Variants in SEMA6D observed in about 807,000 individuals in gnomAD.
SEMA6D encodes semaphorin 6D.
A neutral mutation model predicts 106.6 loss-of-function variants in SEMA6D; 35 were observed. The ratio of observed to expected loss-of-function variants is 0.33; its 90% CI spans 0.25 to 0.44. The LOEUF (loss-of-function observed/expected upper bound fraction) is 0.44, where lower values mean the gene tolerates loss of function less well. Ranked by LOEUF, SEMA6D falls within the 20% of genes least tolerant of loss-of-function variation. SEMA6D has a pLI of 1.00. For synonymous variants in SEMA6D, 499 were observed against 487.7 expected (o/e 1.02, Z -0.31); for missense variants, 1,185 against 1,345.9 (o/e 0.88, Z 1.87).
chr15:47,464,964 T>G (rs2042615816), intron 2 of SEMA6D, among the ~76,000 whole-genome samples: 1 of 152,132 alleles, frequency 6.6e-6, no homozygotes, highest in Non-Finnish European at 1.5e-5. Flanking sequence ...AAGTTTGCCA[T>G]ATATGTATGA....
intron 1 of SEMA6D, among the ~76,000 whole-genome samples, chr15:47,374,249 C>T (rs2145468567): frequency 6.6e-6 from 1 of 152,192 alleles, no homozygotes; most frequent in East Asian, 1.9e-4. Context: ...GATGAGAATC[C>T]ACAAATTGGC....
intron 3 of SEMA6D, among the ~76,000 whole-genome samples, chr15:47,547,688 G>C (rs957485826): frequency 6.6e-5 from 10 of 152,070 alleles, no homozygotes; most frequent in Non-Finnish European, 1.3e-4. Flanking sequence ...ATCTTAGTTT[G>C]AAGCTCAAAA....
At chr15:47,753,924 A>G (rs748135956) in intron 1 of SEMA6D, among the ~76,000 whole-genome samples, 1 of 152,194 alleles carries the variant, frequency 6.6e-6, no homozygotes, top group Non-Finnish European at 1.5e-5. Flanking sequence ...GATAGCTTTC[A>G]AATCAACATG....
intron 1 of SEMA6D, among the ~76,000 whole-genome samples, chr15:47,267,406 A>G (rs1301540807): frequency 6.6e-6 from 1 of 151,524 alleles, no homozygotes; most frequent in Non-Finnish European, 1.5e-5. Flanking sequence ...ATATATATTA[A>G]CTTTGACTGT....
intron 3 of SEMA6D, among the ~76,000 whole-genome samples, chr15:47,547,601 T>C (rs2045562485): frequency 1.3e-5 from 2 of 152,288 alleles, no homozygotes; most frequent in South Asian, 4.1e-4. Context: ...AATGTGTTCA[T>C]CCATCTTTGT....
At chr15:47,384,887 TTTG>T (rs2039777330) in intron 1 of SEMA6D, among the ~76,000 whole-genome samples, 1 of 146,742 alleles carries the variant, frequency 6.8e-6, no homozygotes, top group Non-Finnish European at 1.5e-5. Context: ...TGGCAGATCA[TTTG>T]TTGTTTTTTC....
At position 47,276,670 on chromosome 15, in the gene SEMA6D, A is replaced by G. The variant is rs550239043; in HGVS notation, c.-239+92252A>G. 2.0e-4 allele frequency among the ~76,000 whole-genome samples: 30 copies of G among 152,266 alleles called. No individual in the cohort carries two copies. The South Asian group carries it at 5.6e-3, about 28-fold the overall frequency. Reference sequence around the variant, plus strand: ...CTGTTCATTGACAATGCTCCTAGTCACCCAAGAGCTCAGATGGAAATGTAC... The same window carrying G: ...CTGTTCATTGACAATGCTCCTAGTCGCCCAAGAGCTCAGATGGAAATGTAC... On this transcript the variant is annotated intron_variant, in intron 1 of 19. Coordinates refer to the SEMA6D transcript ENST00000558014.
intron 4 of SEMA6D, among the ~76,000 whole-genome samples, chr15:47,656,658 T>C (rs35653616): frequency 0.31 from 47,196 of 152,102 alleles, 8,817 homozygotes; most frequent in East Asian, 0.48. Flanking sequence ...TCAAACTTGT[T>C]TGCTTGTTTT....
At chr15:47,324,258 A>G (rs2037038725) in intron 1 of SEMA6D, among the ~76,000 whole-genome samples, 1 of 152,212 alleles carries the variant, frequency 6.6e-6, no homozygotes, top group Admixed American at 6.5e-5. Context: ...TGTTATACCT[A>G]TTTACCTATA....
chr15:47,461,340 C>T lies in SEMA6D; in HGVS notation c.-158-9134C>T, dbSNP rs186416686. 4.2e-3 allele frequency among the ~76,000 whole-genome samples: 640 copies of T among 152,056 alleles called. 2 individuals are homozygous for T. Among genetic ancestry groups the T allele is most frequent in the Non-Finnish European group, 6.6e-3 (451 of 67,940 alleles). ...CTTCATTGTCTCCCCACAGCCACTGCCACACACACACTCTTGAATGTATGC... is the reference window on the plus strand; with the variant it reads ...CTTCATTGTCTCCCCACAGCCACTGTCACACACACACTCTTGAATGTATGC... On this transcript the variant is annotated intron_variant, in intron 2 of 19. Transcript: ENST00000558014.
intron 1 of SEMA6D, among the ~76,000 whole-genome samples, chr15:47,742,503 AC>A (rs1359758017): frequency 1.3e-5 from 2 of 152,072 alleles, no homozygotes; most frequent in Non-Finnish European, 2.9e-5. Context: ...GGTATAACCG[AC>A]CCACTTGAGA....
chr15:47,683,458 T>C (rs1347197932), intron 4 of SEMA6D, among the ~76,000 whole-genome samples: 1 of 152,190 alleles, frequency 6.6e-6, no homozygotes, highest in Non-Finnish European at 1.5e-5. Context: ...ATGTCCAAGT[T>C]CTGGAGATAG....
chr15:47,588,991 C>T (rs143388146), intron 3 of SEMA6D, among the ~76,000 whole-genome samples: 17 of 152,274 alleles, frequency 1.1e-4, no homozygotes, highest in African/African-American at 3.6e-4. Flanking sequence ...AAACATCGTA[C>T]GGTGCACAGA....
At chr15:47,419,188 A>G (rs1040345067) in intron 2 of SEMA6D, among the ~76,000 whole-genome samples, 9 of 152,102 alleles carry the variant, frequency 5.9e-5, no homozygotes, top group African/African-American at 2.2e-4. Flanking sequence ...ATAAGAGATC[A>G]TGATCATAGA....
chr15:47,492,729 C>G (rs2043510390), intron 3 of SEMA6D, among the ~76,000 whole-genome samples: 1 of 152,072 alleles, frequency 6.6e-6, no homozygotes, highest in Non-Finnish European at 1.5e-5. Flanking sequence ...TGTCTGGGTA[C>G]TAGGGGTTTT....
intron 1 of SEMA6D, among the ~76,000 whole-genome samples, chr15:47,346,102 T>G (rs1370083685): frequency 6.6e-6 from 1 of 152,158 alleles, no homozygotes; most frequent in African/African-American, 2.4e-5. Flanking sequence ...ATGTCAGATT[T>G]AGAGTTTCCC....
At chr15:47,499,741 C>G (rs1016625612) in intron 3 of SEMA6D, among the ~76,000 whole-genome samples, 1 of 152,070 alleles carries the variant, frequency 6.6e-6, no homozygotes, top group Non-Finnish European at 1.5e-5. Context: ...AAAGCTATAT[C>G]TGGAGGGCTT....
chr15:47,335,555 C>G (rs951762730), intron 1 of SEMA6D, among the ~76,000 whole-genome samples: 2 of 152,034 alleles, frequency 1.3e-5, no homozygotes, highest in African/African-American at 4.8e-5. Flanking sequence ...TATTTGCCCC[C>G]TGAATATGTC....
intron 1 of SEMA6D, among the ~76,000 whole-genome samples, chr15:47,261,788 A>G (rs2034087935): frequency 6.6e-6 from 1 of 152,126 alleles, no homozygotes; most frequent in East Asian, 1.9e-4. Context: ...TTTTCTGACT[A>G]TCTGCTTTCA....
Sources: gnomAD v4.1 joint callset for allele counts (sites outside exome capture counted in the v4.1 genomes callset) on GRCh38, gnomAD v4.1.1 for gene constraint, MANE v1.5 for transcripts, NCBI Gene and HGNC (gene_info 2026-07-23, HGNC 2026-07-21) for gene names.